The following RBFOX3 variants were observed in gnomAD, a reference collection of about 807,000 sequenced individuals.
RBFOX3 encodes the protein RNA binding fox-1 homolog 3, also known as RNA binding protein fox-1 homolog 3.
RBFOX3 carries 17 observed loss-of-function variants against 48.7 expected under a neutral mutation model. The ratio of observed to expected loss-of-function variants is 0.35; its 90% CI spans 0.24 to 0.52. RBFOX3 has a LOEUF of 0.52. Among genes scored for constraint, RBFOX3 ranks in the 20% least tolerant of loss-of-function variants. RBFOX3 has a pLI of 0.94. For synonymous variants in RBFOX3, 212 were observed against 209.5 expected (o/e 1.01, Z -0.10); for missense variants, 382 against 497.5 (o/e 0.77, Z 2.21).
intron 4 of RBFOX3, among the ~76,000 whole-genome samples, chr17:79,140,656 G>A (rs1223802049): frequency 6.6e-6 from 1 of 152,246 alleles, no homozygotes; most frequent in Non-Finnish European, 1.5e-5. Context: ...GTGCCACAGA[G>A]CTTTAGTCTC....
Position 79,471,453 on chromosome 17 carries a change from C to T in RBFOX3, c.-175+11001G>A, listed in dbSNP as rs1555756898. On this transcript the variant is annotated intron_variant, in intron 2 of 14. Coordinates refer to ENST00000693108, the MANE Select transcript of RBFOX3 (RefSeq NM_001350451.2). The surrounding 1 kb of genome is among the most constrained non-coding windows in gnomAD (Gnocchi z 4.0). ...ACCCATCCAATGACATTCTGGCTCA[C>T]AGACAAGAGACAATATTCAAACGCC... is the stretch of plus-strand genomic sequence containing the variant. Among the ~76,000 whole-genome samples the T allele has an allele frequency of 1.3e-5, 2 of 152,202 alleles. No individual in the cohort carries two copies. Among genetic ancestry groups the T allele is most frequent in the African/African-American group, 4.8e-5 (2 of 41,442 alleles).
At chr17:79,369,717 G>C (rs1160706628) in intron 2 of RBFOX3, among the ~76,000 whole-genome samples, 1 of 152,126 alleles carries the variant, frequency 6.6e-6, no homozygotes, top group Non-Finnish European at 1.5e-5. Flanking sequence ...TCTCCCTAGA[G>C]GGCCTTTCAG....
rs543933674 is a variant in RBFOX3 at position 79,461,633 on chromosome 17, C to T, written c.-175+20821G>A. The stretch of plus-strand genomic sequence containing the variant: ...TTACTGCAGTGGGTTGAACAGTGGA[C>T]GCCCAGAACTCAGATATACCCAGAA... On this transcript the variant is annotated intron_variant, in intron 2 of 14. Coordinates refer to ENST00000693108, the MANE Select transcript of RBFOX3 (RefSeq NM_001350451.2). Among the ~76,000 whole-genome samples the T allele has an allele frequency of 5.9e-5, 9 of 152,340 alleles. No individual in the cohort carries two copies. In the East Asian group the frequency reaches 1.5e-3, roughly 26 times the overall value.
chr17:79,375,367 A>ACACT (rs2059099297), intron 2 of RBFOX3, among the ~76,000 whole-genome samples: 13 of 138,570 alleles, frequency 9.4e-5, no homozygotes, highest in Admixed American at 8.9e-4. Context: ...AGACACACAC[A>ACACT]CACACACACA....
intron 4 of RBFOX3, among the ~76,000 whole-genome samples, chr17:79,162,739 T>C (rs1039704718): frequency 1.4e-5 from 2 of 144,960 alleles, no homozygotes; most frequent in African/African-American, 5.1e-5. Flanking sequence ...TCGGGTGTTG[T>C]GGGTGGTGTG....
chr17:79,149,718 C>A (rs2043893650), intron 4 of RBFOX3, among the ~76,000 whole-genome samples: 1 of 151,362 alleles, frequency 6.6e-6, no homozygotes, highest in Admixed American at 6.6e-5. Context: ...GGACCCAAGA[C>A]CCTGGGATGT....
Position 79,243,921 on chromosome 17 carries a change from G to A in RBFOX3, c.-73-8116C>T, listed in dbSNP as rs932888027. Among the ~76,000 whole-genome samples the A allele has an allele frequency of 2.6e-5, 4 of 152,162 alleles. No individual in the cohort carries two copies. The highest frequency in any genetic ancestry group is 5.9e-5 in the Non-Finnish European group (4 of 68,030). On this transcript the variant is annotated intron_variant, in intron 3 of 14. Transcript: ENST00000693108. The surrounding 1 kb of genome is among the most constrained non-coding windows in gnomAD (Gnocchi z 7.9). ...CTGCGGTCCCAGAGGTAGGGGGCAG[G>A]TGGGAGGCCCAGTGTGGCATCTCTG...
intron 2 of RBFOX3, among the ~76,000 whole-genome samples, chr17:79,411,894 C>T (rs144037486): frequency 1.4e-4 from 22 of 152,192 alleles, no homozygotes; most frequent in Non-Finnish European, 2.8e-4. Context: ...CGTGTATGCA[C>T]GTGTTGTGTA....
chr17:79,573,141 C>T (rs887788614), intron 1 of RBFOX3, among the ~76,000 whole-genome samples: 14 of 152,198 alleles, frequency 9.2e-5, no homozygotes, highest in African/African-American at 3.1e-4. Flanking sequence ...GTCCCCTCTC[C>T]CTGAAGATTC....
chr17:79,518,480 A>T (rs1301215238), intron 1 of RBFOX3, among the ~76,000 whole-genome samples: 3 of 152,234 alleles, frequency 2.0e-5, no homozygotes, highest in Admixed American at 2.0e-4. Context: ...CTTGTACACG[A>T]GTTTCCCTGG....
chr17:79,455,324 G>A (rs957807465), intron 2 of RBFOX3, among the ~76,000 whole-genome samples: 6 of 152,180 alleles, frequency 3.9e-5, no homozygotes, highest in Admixed American at 6.5e-5. Flanking sequence ...GGAGAAATTC[G>A]GAAATTGTTG....
chr17:79,351,759 A>G (rs1432093134), intron 2 of RBFOX3, among the ~76,000 whole-genome samples: 1 of 152,112 alleles, frequency 6.6e-6, no homozygotes, highest in Non-Finnish European at 1.5e-5. Flanking sequence ...ATGATGTGCA[A>G]ATATCTTCTC....
chr17:79,405,636 G>A (rs954785420), intron 2 of RBFOX3, among the ~76,000 whole-genome samples: 3 of 152,162 alleles, frequency 2.0e-5, no homozygotes, highest in Admixed American at 6.5e-5. Context: ...CAGGAGAATC[G>A]CTTGAACCCA....
At chr17:79,165,112 C>T (rs759741804) in intron 4 of RBFOX3, among the ~76,000 whole-genome samples, 5 of 152,026 alleles carry the variant, frequency 3.3e-5, no homozygotes, top group Non-Finnish European at 5.9e-5. Context: ...GGGGAGCAGC[C>T]GGGAGGGATG....
chr17:79,530,001 A>G lies in RBFOX3; in HGVS notation c.-319-47403T>C, dbSNP rs572406803. Among the ~76,000 whole-genome samples, 84 of 152,266 alleles carry G rather than the reference A, an allele frequency of 5.5e-4. 1 individual carries two copies. In the Middle Eastern group the frequency reaches 0.037, roughly 68 times the overall value. On this transcript the variant is annotated intron_variant, in intron 1 of 14. Transcript: ENST00000693108. ...GCCTGCCAGGCCTGGAATATTTACA[A>G]CCTGGCCCTTGACAGAAGAAGTTCG...
chr17:79,416,720 T>C (rs1200882182), intron 2 of RBFOX3, among the ~76,000 whole-genome samples: 2 of 152,196 alleles, frequency 1.3e-5, no homozygotes. Flanking sequence ...CAGCAGCCCC[T>C]TGGATCTATC....
At chr17:79,156,144 G>A (rs965350502) in intron 4 of RBFOX3, among the ~76,000 whole-genome samples, 2 of 152,230 alleles carry the variant, frequency 1.3e-5, no homozygotes, top group Non-Finnish European at 2.9e-5. Context: ...GAAGGAGGAT[G>A]CGCCCGCCTC....
intron 4 of RBFOX3, among the ~76,000 whole-genome samples, chr17:79,174,723 A>G (rs2050160328): frequency 6.6e-6 from 1 of 152,030 alleles, no homozygotes; most frequent in Non-Finnish European, 1.5e-5. Context: ...CATGCACACA[A>G]TGCATTCACA....
intron 3 of RBFOX3, among the ~76,000 whole-genome samples, chr17:79,305,561 C>G (rs1033274482): frequency 1.2e-4 from 19 of 152,166 alleles, no homozygotes; most frequent in African/African-American, 4.6e-4. Context: ...CGGCCGCCCC[C>G]TCCAGTGAGC....
Sources: gnomAD v4.1 joint callset for allele counts (sites outside exome capture counted in the v4.1 genomes callset) on GRCh38, gnomAD v4.1.1 for gene constraint, Gnocchi (gnomAD v3.1) non-coding constraint, MANE v1.5 for transcripts, NCBI Gene and HGNC (gene_info 2026-07-23, HGNC 2026-07-21) for gene names.